ASAP3: variants seen among roughly 807,000 people sequenced by gnomAD.
The protein encoded by ASAP3 is ArfGAP with SH3 domain, ankyrin repeat and PH domain 3, also known as arf-GAP with SH3 domain, ANK repeat and PH domain-containing protein 3.
Under a neutral mutation model 118.2 loss-of-function variants are expected in ASAP3, and 85 were observed. The ratio of observed to expected loss-of-function variants is 0.72; its 90% CI spans 0.60 to 0.86. The LOEUF is 0.86. Ranked by LOEUF, ASAP3 falls within the 40% of genes least tolerant of loss-of-function variation. ASAP3 has a pLI of 0.00. For missense variants in ASAP3, 1,026 were observed against 1,175.0 expected (o/e 0.87, Z 1.85); for synonymous variants, 432 against 477.4 (o/e 0.90, Z 1.24).
chr1:23,451,574 C>T, intron 4 of ASAP3, 46 bp from the exon 5 acceptor site: 1 of 1,588,074 alleles, frequency 6.3e-7, no homozygotes, highest in Non-Finnish European at 8.6e-7. Flanking sequence ...AGCTGGAGCA[C>T]TGGAATAAAC....
At position 23,449,594 on chromosome 1, in the gene ASAP3, C is replaced by A. The variant is rs72867721; in HGVS notation, c.473+1885G>T. 6.9e-3 allele frequency among the ~76,000 whole-genome samples: 1,055 copies of A among 152,220 alleles called. 12 individuals carry two copies. The highest frequency in any genetic ancestry group is 0.025 in the African/African-American group (1,018 of 41,528). On this transcript the variant is annotated intron_variant, in intron 5 of 24. Transcript: ENST00000336689. ...CGCATATCTGGCTACACCTGGAGCC[C>A]GTATGAAAAGGAGTGTACAGTCACC...
chr1:23,455,341 G>A (rs1641347786), intron 3 of ASAP3, among the ~76,000 whole-genome samples: 1 of 152,224 alleles, frequency 6.6e-6, no homozygotes. Context: ...GACCAGAGAG[G>A]AGGCAGTCAC....
In ASAP3 at chr1:23,438,882, C is replaced by T. The variant is rs1412318514; in HGVS notation, c.1015-48G>A. 6.3e-7 allele frequency: 1 copy of T among 1,577,806 alleles called. No individual in the cohort carries two copies. On this transcript the variant is annotated intron_variant, in intron 11 of 24. Coordinates refer to ENST00000336689, the MANE Select transcript of ASAP3 (RefSeq NM_017707.4). This position sits in a 1 kb window ranked among gnomAD's most constrained non-coding sequence, Gnocchi z 4.9. ...GATGTATGCATTACCTCTGGCCCTC[C>T]ACATTCTTTAGGCCTCCATTTCCCA...
intron 24 of ASAP3, among the ~76,000 whole-genome samples, chr1:23,430,173 C>T (rs1294499512): frequency 1.3e-5 from 2 of 152,208 alleles, no homozygotes; most frequent in African/African-American, 4.8e-5. Context: ...CTGATGGATA[C>T]TTGGTTTTCA....
At position 23,429,755 on chromosome 1, in the gene ASAP3, G is replaced by A; in HGVS notation, c.*101C>T. On this transcript the variant is annotated 3_prime_UTR_variant, in exon 25 of 25. Transcript: ENST00000336689. The stretch of plus-strand genomic sequence containing the variant: ...GAGGCACAAGGGACAGAGAGAGTGA[G>A]ATCCAAGAGAACAAATGTCTCAGCT... 8.4e-7 allele frequency: 1 copy of A among 1,194,596 alleles called. No individual in the cohort carries two copies. The highest frequency in any genetic ancestry group is 1.2e-6 in the Non-Finnish European group (1 of 843,544). The allele number at this position is 1,194,596 out of a possible 1,614,324, so 74.0% of individuals were successfully genotyped here. A position where few individuals can be genotyped will look rare whatever the true frequency, so the allele number is the denominator to read the frequency against.
chr1:23,441,187 C>T lies in ASAP3; in HGVS notation c.859G>A (p.Gly287Arg), dbSNP rs766940864. The T allele has an allele frequency of 3.1e-6, 5 of 1,614,086 alleles. No individual in the cohort carries two copies. Among genetic ancestry groups the T allele is most frequent in the Non-Finnish European group, 4.2e-6 (5 of 1,180,054 alleles). Reference sequence around the variant, plus strand: ...TGCTGGTGGATGCTATAGCCACATCCTGAGTTCTTCCGGCTCAGGTGTTCC... The same window carrying T: ...TGCTGGTGGATGCTATAGCCACATCTTGAGTTCTTCCGGCTCAGGTGTTCC... ...REEHLSRKNS[G>R]CGYSIHQHQG... The change falls in exon 10 of 25, where the codon GGA (glycine) becomes AGA (arginine). Residue 287 changes from glycine (G) to arginine (R), a missense_variant. Physicochemically the swap from Gly to Arg is moderately radical, Grantham distance 125. Transcript: ENST00000336689.
chr1:23,429,749 G>T lies in ASAP3; in HGVS notation c.*107C>A. ...GCTACAGAGGCACAAGGGACAGAGA[G>T]AGTGAGATCCAAGAGAACAAATGTC... On this transcript the variant is annotated 3_prime_UTR_variant, in exon 25 of 25. Transcript: ENST00000336689. 8.8e-7 allele frequency: 1 copy of T among 1,132,116 alleles called. No homozygotes were observed. The allele number at this position is 1,132,116 out of a possible 1,614,324, so 70.1% of individuals were successfully genotyped here. A position where few individuals can be genotyped will look rare whatever the true frequency, so the allele number is the denominator to read the frequency against.
Position 23,433,242 on chromosome 1 carries a change from G to C in ASAP3, c.2158C>G (p.His720Asp), listed in dbSNP as rs934139379. The stretch of plus-strand genomic sequence containing the variant: ...ATGTCCAGCCTCCCACTGGCCCAGT[G>C]AGCCTGGGCCGGGAGCTTCAGCAAG... ...RCLLKLPAQA[H>D]WASGRLDISN... Residue 720 changes from histidine (H) to aspartate (D), a missense_variant, in exon 22 of 25, where the codon CAC (histidine) becomes GAC (aspartate). Transcript: ENST00000336689. 1 of 1,611,244 alleles carries C rather than the reference G, an allele frequency of 6.2e-7. No homozygotes were observed.
chr1:23,478,929 G>A lies in ASAP3; in HGVS notation c.129+5076C>T, dbSNP rs542262744. Reference sequence around the variant, plus strand: ...GGACTGTGTGAAATAAAGAGGAATCGCCATAGATACTTCTGAGGGGATTTT... The same window carrying A: ...GGACTGTGTGAAATAAAGAGGAATCACCATAGATACTTCTGAGGGGATTTT... On this transcript the variant is annotated intron_variant, in intron 1 of 24. Coordinates refer to ENST00000336689, the MANE Select transcript of ASAP3 (RefSeq NM_017707.4). Among the ~76,000 whole-genome samples the A allele has an allele frequency of 3.9e-5, 6 of 152,240 alleles. No individual in the cohort carries two copies. The South Asian group carries it at 8.3e-4, about 21-fold the overall frequency.
chr1:23,434,493 G>T (rs1253249731), intron 18 of ASAP3, 40 bp downstream of exon 18: 3 of 1,607,524 alleles, frequency 1.9e-6, no homozygotes, highest in Non-Finnish European at 2.6e-6. Context: ...AAAGGAGAGG[G>T]AGTGTGAGGA....
chr1:23,465,524 G>C lies in ASAP3; in HGVS notation c.130-9330C>G, dbSNP rs371198324. 1.0e-3 allele frequency among the ~76,000 whole-genome samples: 159 copies of C among 151,496 alleles called. 3 individuals carry two copies. The East Asian group carries it at 0.026, about 25-fold the overall frequency. On this transcript the variant is annotated intron_variant, in intron 1 of 24. Transcript: ENST00000336689. ...TTTCTTTCTTTTTTTTTGGGGGGGG[G>C]ATAGACTCTCACTCTCGCCCAGGCT... is the stretch of plus-strand genomic sequence containing the variant.
At chr1:23,443,543 G>C (rs962562614) in intron 5 of ASAP3, among the ~76,000 whole-genome samples, 3 of 152,048 alleles carry the variant, frequency 2.0e-5, no homozygotes, top group Non-Finnish European at 4.4e-5. Context: ...GAAAACCTTT[G>C]TTCTTTTATT....
chr1:23,437,434 C>T lies in ASAP3; in HGVS notation c.1141G>A (p.Glu381Lys), dbSNP rs1450243874. ...CGAGGGGGCACTCACGCCTCACACT[C>T]GTGCTCGTCCTCTGCCTGAAAGTGG... Reference protein sequence around the residue: ...TYHFQAEDEHECEAWVSVLQN... With the variant: ...TYHFQAEDEHKCEAWVSVLQN... The change falls in exon 13 of 25, where the codon GAG becomes AAG. Residue 381 changes from glutamate (E) to lysine (K), a missense_variant. By Grantham distance (56) the Glu-to-Lys change is moderately conservative. Transcript: ENST00000336689. This position sits in a 1 kb window ranked among gnomAD's most constrained non-coding sequence, Gnocchi z 6.1. The T allele has an allele frequency of 6.2e-7, 1 of 1,614,106 alleles. No individual in the cohort carries two copies. The highest frequency in any genetic ancestry group is 1.7e-5 in the Admixed American group (1 of 60,016).
intron 1 of ASAP3, among the ~76,000 whole-genome samples, chr1:23,464,023 T>C (rs1641680245): frequency 6.6e-6 from 1 of 151,998 alleles, no homozygotes; most frequent in African/African-American, 2.4e-5. Flanking sequence ...TCAGCCCTCG[T>C]TTCCCATGAA....
At chr1:23,458,129 T>C (rs1005332226) in intron 1 of ASAP3, among the ~76,000 whole-genome samples, 1 of 152,080 alleles carries the variant, frequency 6.6e-6, no homozygotes, top group Non-Finnish European at 1.5e-5. Flanking sequence ...ATCCCAGGGC[T>C]GAAGAAAGAA....
intron 1 of ASAP3, among the ~76,000 whole-genome samples, chr1:23,473,972 C>T (rs898449833): frequency 2.3e-5 from 2 of 85,610 alleles, no homozygotes; most frequent in Admixed American, 3.2e-4. Context: ...ATTAAATCTG[C>T]TCTTTTTTTT....
intron 1 of ASAP3, among the ~76,000 whole-genome samples, chr1:23,471,406 C>T (rs12088530): frequency 4.5e-4 from 68 of 152,120 alleles, no homozygotes; most frequent in African/African-American, 1.4e-3. Flanking sequence ...CTGATCTCTA[C>T]GGGGCTGAAA....
In ASAP3 at chr1:23,439,318, A is replaced by G. The variant is rs1640785495; in HGVS notation, c.945-88T>C. On this transcript the variant is annotated intron_variant, in intron 10 of 24. Coordinates refer to ENST00000336689, the MANE Select transcript of ASAP3 (RefSeq NM_017707.4). Reference sequence around the variant, plus strand: ...AGAACAGAAATTTGCCCCCACCTGTATGATCTCTAGCCACATCCCTTTACC... The same window carrying G: ...AGAACAGAAATTTGCCCCCACCTGTGTGATCTCTAGCCACATCCCTTTACC... The G allele has an allele frequency of 5.8e-6, 7 of 1,216,282 alleles. No individual in the cohort carries two copies. In the South Asian group the frequency reaches 7.6e-5, roughly 13 times the overall value. The allele number at this position is 1,216,282 out of a possible 1,614,324, so 75.3% of individuals were successfully genotyped here.
At chr1:23,446,928 G>T (rs958870818) in intron 5 of ASAP3, among the ~76,000 whole-genome samples, 2 of 152,072 alleles carry the variant, frequency 1.3e-5, no homozygotes, top group African/African-American at 2.4e-5. Context: ...ATAGCAGGGT[G>T]GGGGAGGGTG....
Sources: gnomAD v4.1 joint callset for allele counts (sites outside exome capture counted in the v4.1 genomes callset) on GRCh38, gnomAD v4.1.1 for gene constraint, Gnocchi (gnomAD v3.1) non-coding constraint, MANE v1.5 for transcripts, NCBI Gene and HGNC (gene_info 2026-07-23, HGNC 2026-07-21) for gene names.